The following RNMT variants were observed in gnomAD, a reference collection of about 807,000 sequenced individuals.
The protein encoded by RNMT is mRNA cap guanine-N(7) methyltransferase.
RNMT carries 27 observed loss-of-function variants against 56.0 expected under a neutral mutation model. The ratio of observed to expected loss-of-function variants is 0.48; its 90% CI spans 0.36 to 0.67. The LOEUF is 0.67. RNMT is among the 30% of genes least tolerant of loss of function. The pLI, the probability that RNMT is intolerant of heterozygous loss-of-function variation, is 0.00. For synonymous variants in RNMT, 184 were observed against 176.2 expected, an observed-to-expected ratio of 1.04 and a Z score of -0.35; for missense variants, 519 against 552.1, an observed-to-expected ratio of 0.94 and a Z score of 0.60.
At chr18:13,750,990 A>G (rs7244640) in intron 9 of RNMT, among the ~76,000 whole-genome samples, 130,350 of 152,090 alleles carry the variant, frequency 0.86, 55,954 homozygotes, top group East Asian at 0.95. Flanking sequence ...ACTTAAATGT[A>G]AGACATAAAA....
At chr18:13,733,359 G>A (rs577380306) in intron 3 of RNMT, among the ~76,000 whole-genome samples, 18 of 152,052 alleles carry the variant, frequency 1.2e-4, no homozygotes, top group Non-Finnish European at 7.4e-5. Context: ...AATCACTAAC[G>A]CTGCACATAG....
intron 10 of RNMT, among the ~76,000 whole-genome samples, chr18:13,752,690 A>G (rs923126040): frequency 6.6e-6 from 1 of 152,250 alleles, no homozygotes; most frequent in Non-Finnish European, 1.5e-5. Flanking sequence ...TTCCCTGCTA[A>G]TGTAGGCACC....
At chr18:13,735,314 A>C (rs1362049987) in intron 4 of RNMT, among the ~76,000 whole-genome samples, 1 of 152,174 alleles carries the variant, frequency 6.6e-6, no homozygotes, top group Non-Finnish European at 1.5e-5. Context: ...ACTAGTTTTG[A>C]TGATAATTTA....
intron 11 of RNMT, among the ~76,000 whole-genome samples, chr18:13,755,383 C>T (rs191305361): frequency 6.6e-6 from 1 of 152,192 alleles, no homozygotes; most frequent in Non-Finnish European, 1.5e-5. Flanking sequence ...TAATAACTCA[C>T]ATGTTGTAAC....
chr18:13,728,299 T>C (rs953909293), intron 1 of RNMT, among the ~76,000 whole-genome samples: 63 of 120,890 alleles, frequency 5.2e-4, no homozygotes, highest in African/African-American at 1.3e-3. Context: ...CTCATCAGCA[T>C]CTTTTTTTTT....
chr18:13,730,526 C>T (rs149792398), intron 1 of RNMT, 101 bp from the exon 2 acceptor site: 77 of 152,304 alleles, frequency 5.1e-4, no homozygotes, highest in African/African-American at 1.7e-3. Flanking sequence ...TATTTATGGT[C>T]TAACAACTTT....
chr18:13,746,125 T>C, intron 8 of RNMT, 95 bp from the exon 9 acceptor site: 1 of 676,254 alleles, frequency 1.5e-6, no homozygotes, highest in Non-Finnish European at 2.6e-6. Context: ...GTAGCTTTTT[T>C]AGTTAAGTCC....
intron 11 of RNMT, among the ~76,000 whole-genome samples, chr18:13,755,410 A>G (rs922868192): frequency 2.0e-5 from 3 of 152,240 alleles, no homozygotes; most frequent in African/African-American, 4.8e-5. Context: ...AATCCTCACA[A>G]TGACTTTATG....
chr18:13,741,731 A>T, intron 7 of RNMT, 40 bp downstream of exon 7: 1 of 1,282,192 alleles, frequency 7.8e-7, no homozygotes, highest in Non-Finnish European at 1.1e-6. Flanking sequence ...TAAAATATTC[A>T]GTATTAAGTA....
In RNMT at chr18:13,760,798, A is replaced by ACTG; in HGVS notation, c.*821_*823dup. On this transcript the variant is annotated 3_prime_UTR_variant, in exon 12 of 12. Coordinates refer to ENST00000383314, the MANE Select transcript of RNMT (RefSeq NM_003799.3). ...CATTTTTTCCAAATTTATACATGGA[A>ACTG]CTGCAGTAGGAATATTCTCACCATC... 1 of 985,372 alleles carries ACTG rather than the reference A, an allele frequency of 1.0e-6. No individual in the cohort carries two copies. The highest frequency in any genetic ancestry group is 1.2e-6 in the Non-Finnish European group (1 of 829,870). The allele number at this position is 985,372 out of a possible 1,614,324, so 61.0% of individuals were successfully genotyped here. A position where few individuals can be genotyped will look rare whatever the true frequency, so the allele number is the denominator to read the frequency against.
At position 13,754,291 on chromosome 18, in the gene RNMT, G is replaced by T. The variant is rs1465610583; in HGVS notation, c.1393+144G>T. ...GGATGCCGAGACAGACAGATTCCTC[G>T]AGCCCAGGAGTTGAGACCGGTCTGG... is the stretch of plus-strand genomic sequence containing the variant. On this transcript the variant is annotated intron_variant, in intron 11 of 11. Transcript: ENST00000383314. 11 of 536,760 alleles carry T rather than the reference G, an allele frequency of 2.0e-5. No homozygotes were observed. In the South Asian group the frequency reaches 2.2e-4, roughly 11 times the overall value. 33.2% of individuals were successfully genotyped at this position (536,760 alleles called of 1,614,324 possible).
chr18:13,743,501 G>A (rs769422072), intron 8 of RNMT, among the ~76,000 whole-genome samples: 9 of 152,196 alleles, frequency 5.9e-5, no homozygotes, highest in Non-Finnish European at 1.0e-4. Context: ...ATTCTCCCAT[G>A]TGCCTGAATT....
At chr18:13,751,727 A>G (rs562173509) in intron 9 of RNMT, among the ~76,000 whole-genome samples, 60 of 152,384 alleles carry the variant, frequency 3.9e-4, no homozygotes, top group African/African-American at 1.3e-3. Flanking sequence ...CCAGATGTCC[A>G]TCAATGATAG....
rs76062711 is a variant in RNMT at position 13,743,370 on chromosome 18, A to C, written c.1139+718A>C. Among the ~76,000 whole-genome samples, 198 of 150,236 alleles carry C rather than the reference A, an allele frequency of 1.3e-3. 4 individuals are homozygous for C. In the East Asian group the frequency reaches 0.029, roughly 22 times the overall value. Reference sequence around the variant, plus strand: ...TAAATAAATAAATAAATAAATAAATAAATCAAAGATCCTCCTTTTGACAGA... The same window carrying C: ...TAAATAAATAAATAAATAAATAAATCAATCAAAGATCCTCCTTTTGACAGA... On this transcript the variant is annotated intron_variant, in intron 8 of 11. Transcript: ENST00000383314.
intron 3 of RNMT, among the ~76,000 whole-genome samples, chr18:13,732,319 A>G (rs1452761734): frequency 6.6e-6 from 1 of 152,124 alleles, no homozygotes; most frequent in Non-Finnish European, 1.5e-5. Context: ...CGTTTTTAAA[A>G]AGACTAGAGT....
rs201093998 is a variant in RNMT, at chr18:13,744,159, C to CTTTTTTTTTTTTTTTTTT, written c.1139+1516_1139+1533dup. 1.2e-3 allele frequency among the ~76,000 whole-genome samples: 114 copies of CTTTTTTTTTTTTTTTTTT among 91,398 alleles called. 16 individuals carry two copies. The highest frequency in any genetic ancestry group is 1.7e-3 in the Non-Finnish European group (79 of 45,804). The allele number at this position is 91,398 out of a possible 152,430, so 60.0% of individuals were successfully genotyped here. A position where few individuals can be genotyped will look rare whatever the true frequency, so the allele number is the denominator to read the frequency against. ...ATGCTAAACAAGACCTAGCGGTCTT[C>CTTTTTTTTTTTTTTTTTT]TTTTTTTTTTTTTTTTTTTTTTTTT... On this transcript the variant is annotated intron_variant, in intron 8 of 11. Transcript: ENST00000383314.
chr18:13,735,187 G>A (rs2149085987), intron 4 of RNMT, among the ~76,000 whole-genome samples: 1 of 152,236 alleles, frequency 6.6e-6, no homozygotes, highest in East Asian at 1.9e-4. Context: ...ACTTTAAAAA[G>A]TGGTTTGTTT....
intron 5 of RNMT, 82 bp from the exon 6 acceptor site, chr18:13,740,085 G>A (rs1440565886): frequency 2.4e-6 from 2 of 834,122 alleles, no homozygotes; most frequent in Non-Finnish European, 4.0e-6. Context: ...TGACTTTTAT[G>A]CCAGAGTTTG....
Position 13,763,079 on chromosome 18 carries a change from A to C in RNMT, c.*3100A>C. 2.2e-6 allele frequency: 1 copy of C among 456,034 alleles called. No individual in the cohort carries two copies. 28.2% of individuals were successfully genotyped at this position (456,034 alleles called of 1,614,324 possible). ...CCAGGGACCAGGCCCTAATAATAGA[A>C]GTTGTACCAAAATGCCTGTGGTACT... On this transcript the variant is annotated 3_prime_UTR_variant, in exon 12 of 12. Transcript: ENST00000383314.
Sources: gnomAD v4.1 joint callset for allele counts (sites outside exome capture counted in the v4.1 genomes callset) on GRCh38, gnomAD v4.1.1 for gene constraint, MANE v1.5 for transcripts, NCBI Gene and HGNC (gene_info 2026-07-23, HGNC 2026-07-21) for gene names.